KCNMA1: variants seen among roughly 807,000 people sequenced by gnomAD.
KCNMA1 encodes potassium calcium-activated channel subfamily M alpha 1.
In KCNMA1, 29 loss-of-function variants were observed where a neutral mutation model predicts 140.0. That is an observed-to-expected ratio of 0.21 (90% CI 0.15 to 0.28). KCNMA1 has a LOEUF of 0.28. Among genes scored for constraint, KCNMA1 ranks in the 10% least tolerant of loss-of-function variants. The pLI, the probability that KCNMA1 is intolerant of heterozygous loss-of-function variation, is 1.00. For synonymous variants in KCNMA1, 612 were observed against 611.9 expected, an observed-to-expected ratio of 1.00 and a Z score of 0.00; for missense variants, 880 against 1,602.2, an observed-to-expected ratio of 0.55 and a Z score of 7.70.
intron 2 of KCNMA1, among the ~76,000 whole-genome samples, chr10:77,401,746 C>T (rs530743294): frequency 6.6e-6 from 1 of 152,212 alleles, no homozygotes; most frequent in East Asian, 1.9e-4. Flanking sequence ...TTATATCTTC[C>T]CGCCATAAAG....
At chr10:77,339,455 T>C (rs769991367) in intron 2 of KCNMA1, among the ~76,000 whole-genome samples, 6 of 152,066 alleles carry the variant, frequency 3.9e-5, no homozygotes, top group Non-Finnish European at 8.8e-5. Context: ...TTTCCAGACA[T>C]AGCAGATGTG....
chr10:77,279,643 G>A (rs999669270), intron 2 of KCNMA1, among the ~76,000 whole-genome samples: 1 of 152,182 alleles, frequency 6.6e-6, no homozygotes, highest in African/African-American at 2.4e-5. Flanking sequence ...CAGGTGTCTT[G>A]ATATGGTTTG....
At chr10:77,244,450 C>CCT (rs2058097417) in intron 3 of KCNMA1, among the ~76,000 whole-genome samples, 1 of 152,146 alleles carries the variant, frequency 6.6e-6, no homozygotes, top group African/African-American at 2.4e-5. Flanking sequence ...GCCTACGATG[C>CCT]CTAGGTACCA....
intron 2 of KCNMA1, among the ~76,000 whole-genome samples, chr10:77,258,891 A>T (rs1314194746): frequency 1.3e-5 from 2 of 152,164 alleles, no homozygotes; most frequent in Non-Finnish European, 2.9e-5. Context: ...TGAACCCAGG[A>T]AACGGAGGTT....
chr10:76,918,918 TCACA>T (rs71477059), intron 23 of KCNMA1, among the ~76,000 whole-genome samples: 3,130 of 144,224 alleles, frequency 0.022, 87 homozygotes, highest in African/African-American at 0.065. Context: ...ATATATCACA[TCACA>T]CACACACACA....
intron 5 of KCNMA1, among the ~76,000 whole-genome samples, chr10:77,175,354 G>C (rs541206083): frequency 6.6e-6 from 1 of 152,296 alleles, no homozygotes; most frequent in African/African-American, 2.4e-5. Context: ...TTAACTCAGA[G>C]AATGACTGTG....
At chr10:76,998,920 C>T (rs768838609) in intron 19 of KCNMA1, among the ~76,000 whole-genome samples, 8 of 152,224 alleles carry the variant, frequency 5.3e-5, no homozygotes, top group Non-Finnish European at 7.3e-5. Flanking sequence ...AGTGGTCTCA[C>T]ACAGGGATGG....
At chr10:76,960,264 G>A (rs1055976506) in intron 20 of KCNMA1, among the ~76,000 whole-genome samples, 1 of 152,220 alleles carries the variant, frequency 6.6e-6, no homozygotes, top group African/African-American at 2.4e-5. Flanking sequence ...GCATGGCCAA[G>A]TATGGTGGCT....
chr10:77,580,727 G>C (rs2075645731), intron 1 of KCNMA1, among the ~76,000 whole-genome samples: 1 of 152,232 alleles, frequency 6.6e-6, no homozygotes, highest in Non-Finnish European at 1.5e-5. Flanking sequence ...CAAGGGCAGA[G>C]ACCAAAGTCC....
Position 77,637,374 on chromosome 10 carries a change from A to G in KCNMA1, c.269T>C (p.Phe90Ser). 6.2e-7 allele frequency: 1 copy of G among 1,613,970 alleles called. No individual in the cohort carries two copies. The highest frequency in any genetic ancestry group is 1.1e-5 in the South Asian group (1 of 91,000). The stretch of plus-strand genomic sequence containing the variant: ...GAAAGTCACCATGGAGGAGGCCAGG[A>G]AAGCCCACCACATGCGTTGGCCCCG... Reference protein sequence around the residue: ...DSRGQRMWWAFLASSMVTFFG... With the variant: ...DSRGQRMWWASLASSMVTFFG... The change falls in exon 1 of 28, where the codon TTC becomes TCC. Residue 90 changes from phenylalanine (F) to serine (S), a missense_variant. Transcript: ENST00000286628.
At chr10:77,133,167 G>A (rs2097901289) in intron 5 of KCNMA1, among the ~76,000 whole-genome samples, 1 of 147,084 alleles carries the variant, frequency 6.8e-6, no homozygotes. Flanking sequence ...TTAATCAAAT[G>A]GAGAAAAGAA....
In KCNMA1 at chr10:76,907,664, A is replaced by G. The variant is rs528258126; in HGVS notation, c.3147+2302T>C. Reference sequence around the variant, plus strand: ...AGCGATTCTCAGGCCTCAGCCTCCCAAGTAGCTGGGATTACAGGTGCACAC... The same window carrying G: ...AGCGATTCTCAGGCCTCAGCCTCCCGAGTAGCTGGGATTACAGGTGCACAC... On this transcript the variant is annotated intron_variant, in intron 25 of 27. Transcript: ENST00000286628. 4.4e-3 allele frequency among the ~76,000 whole-genome samples: 675 copies of G among 152,186 alleles called. 4 individuals carry two copies. Among genetic ancestry groups the G allele is most frequent in the African/African-American group, 0.015 (637 of 41,492 alleles).
intron 3 of KCNMA1, among the ~76,000 whole-genome samples, chr10:77,199,018 A>C (rs1447736988): frequency 6.6e-6 from 1 of 152,172 alleles, no homozygotes; most frequent in Non-Finnish European, 1.5e-5. Flanking sequence ...TAACATACCC[A>C]CTGAAACTTG....
At chr10:77,537,530 T>TCC (rs1490847178) in intron 1 of KCNMA1, among the ~76,000 whole-genome samples, 1 of 152,096 alleles carries the variant, frequency 6.6e-6, no homozygotes, top group Non-Finnish European at 1.5e-5. Context: ...CTATGGAAAT[T>TCC]CCCCCCATGA....
intron 2 of KCNMA1, among the ~76,000 whole-genome samples, chr10:77,318,089 G>C (rs625148): frequency 3.9e-5 from 6 of 152,006 alleles, no homozygotes; most frequent in East Asian, 1.9e-4. Context: ...ATACTATCTC[G>C]TGTAATTACC....
At chr10:77,015,590 C>T (rs2091862871) in intron 17 of KCNMA1, among the ~76,000 whole-genome samples, 2 of 152,108 alleles carry the variant, frequency 1.3e-5, no homozygotes, top group Admixed American at 1.3e-4. Flanking sequence ...CTCTAAGATC[C>T]AACCGCCTTA....
At chr10:77,291,700 G>C (rs1339460879) in intron 2 of KCNMA1, among the ~76,000 whole-genome samples, 1 of 152,188 alleles carries the variant, frequency 6.6e-6, no homozygotes, top group Non-Finnish European at 1.5e-5. Context: ...TGGGTCCTGG[G>C]ATAGGGGGCA....
At chr10:77,173,243 G>A (rs926320005) in intron 5 of KCNMA1, among the ~76,000 whole-genome samples, 3 of 152,166 alleles carry the variant, frequency 2.0e-5, no homozygotes, top group East Asian at 1.9e-4. Flanking sequence ...TTGGAGGCTG[G>A]TAAGTTATTA....
At chr10:76,946,730 T>C (rs1591577020) in intron 22 of KCNMA1, among the ~76,000 whole-genome samples, 2 of 152,354 alleles carry the variant, frequency 1.3e-5, no homozygotes, top group African/African-American at 4.8e-5. Flanking sequence ...CCTGCATCCA[T>C]ATTCTTTTAA....
Sources: gnomAD v4.1 joint callset for allele counts (sites outside exome capture counted in the v4.1 genomes callset) on GRCh38, gnomAD v4.1.1 for gene constraint, MANE v1.5 for transcripts, NCBI Gene and HGNC (gene_info 2026-07-23, HGNC 2026-07-21) for gene names.